DYTN: variants seen among roughly 807,000 people sequenced by gnomAD.
DYTN encodes dystrotelin.
In DYTN, 75 loss-of-function variants were observed where a neutral mutation model predicts 69.6. The observed-to-expected ratio is 1.08, with a 90% CI of 0.89 to 1.31. The LOEUF (loss-of-function observed/expected upper bound fraction) is 1.31, where lower values mean the gene tolerates loss of function less well. DYTN is among the 50% of genes most tolerant of loss of function. DYTN has a pLI of 0.00. For synonymous variants in DYTN, 252 were observed against 249.1 expected (o/e 1.01, Z -0.11); for missense variants, 726 against 688.4 (o/e 1.05, Z -0.61).
chr2:206,714,305 C>T (rs967570910), intron 1 of DYTN, among the ~76,000 whole-genome samples: 19 of 152,192 alleles, frequency 1.2e-4, no homozygotes, highest in African/African-American at 4.3e-4. Context: ...CGGGTTCATG[C>T]CAATCTCCTG....
chr2:206,665,744 G>T, intron 10 of DYTN, 126 bp downstream of exon 10: 3 of 1,145,620 alleles, frequency 2.6e-6, no homozygotes, highest in East Asian at 2.5e-5. Flanking sequence ...GGGAGGTCAG[G>T]GTACGGGGAG....
chr2:206,710,015 A>G (rs530911099), intron 2 of DYTN, among the ~76,000 whole-genome samples: 15 of 152,160 alleles, frequency 9.9e-5, no homozygotes, highest in Non-Finnish European at 2.1e-4. Context: ...GTTCTCAGGG[A>G]ATTCTCGAGA....
chr2:206,677,820 G>A (rs112803339), intron 9 of DYTN, among the ~76,000 whole-genome samples: 3 of 152,020 alleles, frequency 2.0e-5, no homozygotes, highest in South Asian at 4.2e-4. Flanking sequence ...GTGAAACCCC[G>A]TCTCTACTAA....
At chr2:206,707,208 A>G in intron 3 of DYTN, 94 bp downstream of exon 3, 1 of 1,452,734 alleles carries the variant, frequency 6.9e-7, no homozygotes, top group Non-Finnish European at 9.3e-7. Flanking sequence ...TATATACCAA[A>G]CCTCAAGCAA....
At chr2:206,656,600 T>A (rs1414158469) in intron 11 of DYTN, among the ~76,000 whole-genome samples, 2 of 151,722 alleles carry the variant, frequency 1.3e-5, no homozygotes, top group African/African-American at 4.9e-5. Flanking sequence ...TATTATTTCG[T>A]TTTTTTCTTT....
intron 11 of DYTN, among the ~76,000 whole-genome samples, chr2:206,661,261 T>C (rs1278731208): frequency 6.6e-6 from 1 of 152,210 alleles, no homozygotes; most frequent in Non-Finnish European, 1.5e-5. Flanking sequence ...TGAATCTGTG[T>C]TACTGTGTTA....
intron 11 of DYTN, among the ~76,000 whole-genome samples, chr2:206,658,520 C>T (rs570930080): frequency 6.6e-6 from 1 of 152,104 alleles, no homozygotes; most frequent in Non-Finnish European, 1.5e-5. Flanking sequence ...TTCAAACGTT[C>T]ATACTAGTCC....
chr2:206,718,176 T>G, intron 1 of DYTN, 85 bp downstream of exon 1: 1 of 1,406,848 alleles, frequency 7.1e-7, no homozygotes, highest in Non-Finnish European at 9.5e-7. Context: ...TTACTCTTCT[T>G]CAAATCAGAG....
intron 9 of DYTN, among the ~76,000 whole-genome samples, chr2:206,686,003 C>T (rs1302736742): frequency 1.4e-5 from 2 of 145,414 alleles, no homozygotes; most frequent in African/African-American, 5.2e-5. Context: ...AAAAAAAAAG[C>T]TACACATTTC....
intron 2 of DYTN, among the ~76,000 whole-genome samples, chr2:206,708,598 G>T (rs1444915252): frequency 6.6e-6 from 1 of 152,166 alleles, no homozygotes; most frequent in African/African-American, 2.4e-5. Flanking sequence ...CCTCAGCCAG[G>T]CATTCTGAAC....
At chr2:206,661,031 C>G (rs1011728037) in intron 11 of DYTN, among the ~76,000 whole-genome samples, 1 of 152,006 alleles carries the variant, frequency 6.6e-6, no homozygotes, top group Non-Finnish European at 1.5e-5. Context: ...CTAGGATGAG[C>G]CCTAATCCAA....
chr2:206,671,450 A>G (rs1011034826), intron 9 of DYTN, among the ~76,000 whole-genome samples: 2 of 152,220 alleles, frequency 1.3e-5, no homozygotes, highest in African/African-American at 4.8e-5. Flanking sequence ...TCAAATACTT[A>G]AACAGCTTCC....
chr2:206,691,188 G>A (rs1001429765), intron 9 of DYTN, among the ~76,000 whole-genome samples: 1 of 152,080 alleles, frequency 6.6e-6, no homozygotes, highest in Non-Finnish European at 1.5e-5. Context: ...CAAGATGGGC[G>A]GATCACTTGA....
intron 5 of DYTN, among the ~76,000 whole-genome samples, chr2:206,703,551 A>G (rs1308199929): frequency 1.3e-5 from 2 of 152,238 alleles, no homozygotes. Flanking sequence ...AGAAATATAT[A>G]AATGATGTTT....
chr2:206,663,194 G>C lies in DYTN; in HGVS notation c.1342C>G (p.His448Asp). ...RSHRSHTNAE[H>D]ALRNPESPET... ...GGTGATTCTGGATTTCGCAGAGCAT[G>C]CTCTGCATTTGTGTGACTTCTGTGA... is the stretch of plus-strand genomic sequence containing the variant. Residue 448 changes from histidine to aspartate, a missense_variant, in exon 11 of 12, where the codon CAT (histidine) becomes GAT (aspartate). Coordinates refer to ENST00000452335, the MANE Select transcript of DYTN (RefSeq NM_001093730.1). 1 of 1,613,948 alleles carries C rather than the reference G, an allele frequency of 6.2e-7. No homozygotes were observed. Among genetic ancestry groups the C allele is most frequent in the South Asian group, 1.1e-5 (1 of 91,078 alleles).
chr2:206,709,488 C>G (rs931751030), intron 2 of DYTN, among the ~76,000 whole-genome samples: 11 of 151,798 alleles, frequency 7.2e-5, no homozygotes, highest in African/African-American at 2.4e-4. Context: ...CACATACAAG[C>G]AAACACGGTA....
chr2:206,656,812 G>A (rs1699455057), intron 11 of DYTN, among the ~76,000 whole-genome samples: 1 of 150,342 alleles, frequency 6.7e-6, no homozygotes, highest in Non-Finnish European at 1.5e-5. Context: ...GCCCAGGCTG[G>A]AGTGCAATGG....
chr2:206,679,705 T>C (rs769225987), intron 9 of DYTN, among the ~76,000 whole-genome samples: 3 of 152,126 alleles, frequency 2.0e-5, no homozygotes, highest in Non-Finnish European at 2.9e-5. Flanking sequence ...CAGATAAATA[T>C]AGAATCATTT....
At chr2:206,705,048 G>C (rs1700012256) in intron 4 of DYTN, 105 bp from the exon 5 acceptor site, 1 of 922,342 alleles carries the variant, frequency 1.1e-6, no homozygotes, top group Non-Finnish European at 1.7e-6. Flanking sequence ...AAAGGAAAGA[G>C]AAGGGAAAGT....
Sources: gnomAD v4.1 joint callset for allele counts (sites outside exome capture counted in the v4.1 genomes callset) on GRCh38, gnomAD v4.1.1 for gene constraint, MANE v1.5 for transcripts, NCBI Gene and HGNC (gene_info 2026-07-23, HGNC 2026-07-21) for gene names.